Variants in TRAF5 observed in about 807,000 individuals in gnomAD.
TRAF5 encodes TNF receptor associated factor 5.
Under a neutral mutation model 64.5 loss-of-function variants are expected in TRAF5, and 48 were observed. That is an observed-to-expected ratio of 0.74 (90% CI 0.59 to 0.95). TRAF5 has a LOEUF of 0.95. Ranked by LOEUF, TRAF5 falls within the 40% of genes least tolerant of loss-of-function variation. The probability of loss-of-function intolerance (pLI) is 0.00; values close to 1 mark genes in which losing one functional copy is unlikely to be tolerated. For synonymous variants in TRAF5, 206 were observed against 240.5 expected (o/e 0.86, Z 1.33); for missense variants, 545 against 662.8 (o/e 0.82, Z 1.95).
intron 1 of TRAF5, among the ~76,000 whole-genome samples, chr1:211,348,425 A>G (rs1572067922): frequency 6.6e-6 from 1 of 152,234 alleles, no homozygotes; most frequent in African/African-American, 2.4e-5. Flanking sequence ...GGGGTCCTCC[A>G]TTAAAAAAAG....
intron 1 of TRAF5, among the ~76,000 whole-genome samples, chr1:211,336,500 A>G (rs982585167): frequency 1.3e-5 from 2 of 152,206 alleles, no homozygotes; most frequent in Non-Finnish European, 2.9e-5. Context: ...TGGGACTGGT[A>G]GAATTTCAGG....
chr1:211,357,472 G>C (rs1466006738), intron 4 of TRAF5: 2 of 152,190 alleles, frequency 1.3e-5, no homozygotes, highest in Non-Finnish European at 2.9e-5. Context: ...AGCCTAAAAA[G>C]TAAGTGAGGC....
At chr1:211,341,963 GC>G (rs1489502204) in intron 1 of TRAF5, among the ~76,000 whole-genome samples, 1 of 152,178 alleles carries the variant, frequency 6.6e-6, no homozygotes, top group African/African-American at 2.4e-5. Context: ...AGACTCAGGG[GC>G]AAGTGCTTAT....
intron 1 of TRAF5, among the ~76,000 whole-genome samples, chr1:211,327,648 C>T (rs1702057876): frequency 2.0e-5 from 3 of 152,196 alleles, no homozygotes; most frequent in Non-Finnish European, 4.4e-5. Context: ...GCTCTTGCTG[C>T]GGGTCCCACT....
Position 211,360,094 on chromosome 1 carries a change from C to T in TRAF5, c.543+18C>T, listed in dbSNP as rs756075393. On this transcript the variant is annotated intron_variant, in intron 5 of 10. Transcript: ENST00000261464. ...ATCTACAGGTGAAAAACAACACATA[C>T]AACAGTCATCTTTATGGAGCTAAAT... 8 of 1,611,314 alleles carry T rather than the reference C, an allele frequency of 5.0e-6. No homozygotes were observed. Among genetic ancestry groups the T allele is most frequent in the East Asian group, 2.2e-5 (1 of 44,860 alleles).
Position 211,360,647 on chromosome 1 carries a change from C to T in TRAF5, c.544-55C>T, listed in dbSNP as rs74760674. On this transcript the variant is annotated intron_variant, in intron 5 of 10. Transcript: ENST00000261464. Reference sequence around the variant, plus strand: ...ATCCCCAAAGAGACACAGGTGTAATCACTGTGAGGCCATGAAAGACAACCC... The same window carrying T: ...ATCCCCAAAGAGACACAGGTGTAATTACTGTGAGGCCATGAAAGACAACCC... The T allele has an allele frequency of 1.8e-3, 2,478 of 1,372,922 alleles. 46 individuals carry two copies. In the African/African-American group the frequency reaches 0.032, roughly 17 times the overall value. 85.0% of individuals were successfully genotyped at this position (1,372,922 alleles called of 1,614,324 possible).
chr1:211,342,618 T>C (rs2102725001), intron 1 of TRAF5, among the ~76,000 whole-genome samples: 1 of 152,286 alleles, frequency 6.6e-6, no homozygotes, highest in African/African-American at 2.4e-5. Flanking sequence ...TCATTAATCA[T>C]CCCCACTTCC....
intron 7 of TRAF5, among the ~76,000 whole-genome samples, chr1:211,363,551 A>T (rs139316480): frequency 9.2e-5 from 14 of 152,304 alleles, no homozygotes; most frequent in Non-Finnish European, 1.9e-4. Context: ...ACATAAGCAC[A>T]TATTTCTTTT....
intron 4 of TRAF5, 153 bp downstream of exon 4, chr1:211,356,621 G>A: frequency 1.5e-6 from 1 of 656,910 alleles, no homozygotes; most frequent in Non-Finnish European, 2.6e-6. Context: ...GGTGGCTACA[G>A]TGCTGTAGCC....
Position 211,353,369 on chromosome 1 carries a change from A to G in TRAF5, c.130A>G (p.Lys44Glu), listed in dbSNP as rs141533849. 70 of 1,614,168 alleles carry G rather than the reference A, an allele frequency of 4.3e-5. No individual in the cohort carries two copies. In the African/African-American group the frequency reaches 8.5e-4, roughly 20 times the overall value. ...TGTGGAGCGGTTGGAAGAGCGCTAC[A>G]AATGTGCCTTCTGCCACTCGGTGCT... Reference protein sequence around the residue: ...QFVERLEERYKCAFCHSVLHN... With the variant: ...QFVERLEERYECAFCHSVLHN... The change falls in exon 2 of 11, where the codon AAA (lysine) becomes GAA (glutamate). Residue 44 changes from lysine to glutamate, a missense_variant. Lys to Glu is a moderately conservative substitution (Grantham distance 56). Coordinates refer to ENST00000261464, the MANE Select transcript of TRAF5 (RefSeq NM_001033910.3).
intron 1 of TRAF5, among the ~76,000 whole-genome samples, chr1:211,329,050 G>C (rs1702093816): frequency 6.6e-6 from 1 of 152,158 alleles, no homozygotes; most frequent in African/African-American, 2.4e-5. Context: ...TCAGCAAGGG[G>C]ACCCAGATTC....
At chr1:211,328,450 C>T (rs1440656049) in intron 1 of TRAF5, among the ~76,000 whole-genome samples, 1 of 152,176 alleles carries the variant, frequency 6.6e-6, no homozygotes, top group East Asian at 1.9e-4. Context: ...GCGACTTCTC[C>T]CACGGCCTCT....
intron 5 of TRAF5, 148 bp from the exon 6 acceptor site, chr1:211,360,554 G>A (rs1195826649): frequency 1.7e-6 from 1 of 594,054 alleles, no homozygotes; most frequent in African/African-American, 1.9e-5. Flanking sequence ...CCTAGAAAGT[G>A]GACATCTTTA....
rs201084902 is a variant in TRAF5 at position 211,369,412 on chromosome 1, T to C, written c.790-40T>C. On this transcript the variant is annotated intron_variant, in intron 8 of 10. Coordinates refer to ENST00000261464, the MANE Select transcript of TRAF5 (RefSeq NM_001033910.3). Reference sequence around the variant, plus strand: ...TATTTTAACTATATGCATGCAGTTATATTCAGTGACTTTATTTTTCCTCAC... The same window carrying C: ...TATTTTAACTATATGCATGCAGTTACATTCAGTGACTTTATTTTTCCTCAC... The C allele has an allele frequency of 1.2e-5, 18 of 1,553,004 alleles. No homozygotes were observed. In the African/African-American group the frequency reaches 1.9e-4, roughly 17 times the overall value.
chr1:211,373,420 C>G lies in TRAF5; in HGVS notation c.*718C>G, dbSNP rs1054757243. The G allele has an allele frequency of 5.3e-5, 8 of 151,942 alleles. No homozygotes were observed. The highest frequency in any genetic ancestry group is 1.2e-4 in the Non-Finnish European group (8 of 67,976). The allele number at this position is 151,942 out of a possible 1,614,324, so 9.4% of individuals were successfully genotyped here. The stretch of plus-strand genomic sequence containing the variant: ...AAAGTTCAGATTTTGTTAGGTTCAA[C>G]CCTATGAAAAAAACTATTTTCATAG... On this transcript the variant is annotated 3_prime_UTR_variant, in exon 11 of 11. Transcript: ENST00000261464.
chr1:211,365,231 C>A, intron 7 of TRAF5, 145 bp from the exon 8 acceptor site: 1 of 610,588 alleles, frequency 1.6e-6, no homozygotes, highest in Non-Finnish European at 2.8e-6. Flanking sequence ...GTCATTTTTC[C>A]TGCAACCCAC....
rs751395682 is a variant in TRAF5, at chr1:211,353,396, C to A, written c.157C>A (p.His53Asn). Residue 53 changes from histidine to asparagine, a missense_variant, in exon 2 of 11, where the codon CAC becomes AAC. His to Asn is a moderately conservative substitution (Grantham distance 68, BLOSUM62 1). Transcript: ENST00000261464. ...YKCAFCHSVL[H>N]NPHQTGCGHR... ...ATGTGCCTTCTGCCACTCGGTGCTT[C>A]ACAACCCCCACCAGACAGGATGTGG... The A allele has an allele frequency of 1.2e-5, 20 of 1,614,138 alleles. No homozygotes were observed. The highest frequency in any genetic ancestry group is 1.7e-5 in the Non-Finnish European group (20 of 1,180,030).
At chr1:211,326,678 GT>G (rs1215374282), upstream of TRAF5, 4 of 986,010 alleles carry the variant, frequency 4.1e-6, no homozygotes, top group East Asian at 3.4e-4. The surrounding 1 kb of genome is among the most constrained non-coding windows in gnomAD (Gnocchi z 5.0). Flanking sequence ...AAGCGGGTAG[GT>G]TAGCTTTCCA....
intron 7 of TRAF5, among the ~76,000 whole-genome samples, chr1:211,364,827 C>T (rs1205284788): frequency 6.6e-6 from 1 of 152,118 alleles, no homozygotes; most frequent in East Asian, 1.9e-4. Flanking sequence ...AGAAAATCAG[C>T]ACTGAGAATT....
Sources: gnomAD v4.1 joint callset for allele counts (sites outside exome capture counted in the v4.1 genomes callset) on GRCh38, gnomAD v4.1.1 for gene constraint, Gnocchi (gnomAD v3.1) non-coding constraint, MANE v1.5 for transcripts, NCBI Gene and HGNC (gene_info 2026-07-23, HGNC 2026-07-21) for gene names.